LOC122513141: variants seen among roughly 807,000 people sequenced by gnomAD.
At chr9:137,217,557 C>T in the LOC122513141 span, 1 of 163,386 alleles carries the variant, frequency 6.1e-6, no homozygotes, top group African/African-American at 2.4e-5. Flanking sequence ...CAGGACTAAA[C>T]ATGGCTGAGG....
chr9:137,217,931 G>C, the LOC122513141 span: 5 of 398,540 alleles, frequency 1.3e-5, no homozygotes, highest in African/African-American at 2.1e-5. Context: ...AAGCAAAGGG[G>C]ATGACCTTGG....
the LOC122513141 span, chr9:137,218,236 C>G: frequency 2.5e-6 from 1 of 398,354 alleles, no homozygotes; most frequent in Non-Finnish European, 4.4e-6. Context: ...AGAAGACGCC[C>G]GTGCTGGAAT....
At chr9:137,218,710 G>C in the LOC122513141 span, 5 of 397,610 alleles carry the variant, frequency 1.3e-5, no homozygotes, top group Non-Finnish European at 2.2e-5. Flanking sequence ...AAAAACCCAA[G>C]GTTGGGTCCA....
At chr9:137,218,960 A>G in the LOC122513141 span, 2 of 248,674 alleles carry the variant, frequency 8.0e-6, no homozygotes, top group African/African-American at 4.5e-5. Flanking sequence ...CGCCGGCCAC[A>G]CTTCCCCTCC....
At chr9:137,219,157 C>G in the LOC122513141 span, 2 of 152,592 alleles carry the variant, frequency 1.3e-5, no homozygotes, top group Admixed American at 1.3e-4. Flanking sequence ...CTCCTCTCCC[C>G]ACTTGATCAG....
the LOC122513141 span, chr9:137,217,942 G>C: frequency 1.9e-4 from 74 of 398,654 alleles, no homozygotes; most frequent in African/African-American, 1.4e-3. Flanking sequence ...ATGACCTTGG[G>C]CACCCCCAAG....
At chr9:137,217,535 G>C in the LOC122513141 span, 2 of 157,472 alleles carry the variant, frequency 1.3e-5, no homozygotes, top group Admixed American at 1.3e-4. Flanking sequence ...TGTCGTCGGC[G>C]GGTCGCTGGC....
the LOC122513141 span, chr9:137,218,387 G>T: frequency 7.5e-6 from 3 of 398,338 alleles, no homozygotes; most frequent in Non-Finnish European, 1.3e-5. Context: ...GCGCTTCCTG[G>T]CAGGGCCCGT....
At chr9:137,218,758 C>T in the LOC122513141 span, 1 of 397,276 alleles carries the variant, frequency 2.5e-6, no homozygotes, top group East Asian at 3.6e-5. Flanking sequence ...CATTGCTGAA[C>T]CCACAACCAG....
At chr9:137,218,031 AG>A in the LOC122513141 span, 3 of 399,154 alleles carry the variant, frequency 7.5e-6, no homozygotes, top group Non-Finnish European at 1.3e-5. Context: ...ACCTGGAAGG[AG>A]GAGGGGAGAG....
chr9:137,218,803 G>T, the LOC122513141 span: 1 of 396,490 alleles, frequency 2.5e-6, no homozygotes, highest in Non-Finnish European at 4.4e-6. Context: ...CAGAGTCCAT[G>T]GCTGCACTGC....
the LOC122513141 span, chr9:137,217,722 T>A: frequency 5.6e-6 from 2 of 359,440 alleles, no homozygotes; most frequent in Non-Finnish European, 9.9e-6. Context: ...GCCCAGACCC[T>A]GCCTTCCCTG....
chr9:137,218,039 A>C, the LOC122513141 span: 1 of 399,370 alleles, frequency 2.5e-6, no homozygotes. Flanking sequence ...GGAGGAGGGG[A>C]GAGAGCAGGC....
chr9:137,218,125 G>A, the LOC122513141 span: 8 of 398,630 alleles, frequency 2.0e-5, no homozygotes, highest in Non-Finnish European at 3.1e-5. Flanking sequence ...GCCTGGCCCT[G>A]CTGAACTGTA....
chr9:137,218,352 G>T, the LOC122513141 span: 2 of 398,290 alleles, frequency 5.0e-6, no homozygotes, highest in Non-Finnish European at 8.9e-6. Flanking sequence ...GGGCCCTGGG[G>T]CTCCCTGGAG....
chr9:137,218,406 G>C, the LOC122513141 span: 1 of 398,248 alleles, frequency 2.5e-6, no homozygotes, highest in Non-Finnish European at 4.4e-6. Context: ...GTGGGCGGCC[G>C]GGGCTGCCTG....
chr9:137,218,273 C>G, the LOC122513141 span: 1 of 398,206 alleles, frequency 2.5e-6, no homozygotes, highest in Admixed American at 4.4e-5. Flanking sequence ...ACAGGAGGAG[C>G]TGCTACAGGC....
At chr9:137,218,415 T>G in the LOC122513141 span, 1 of 398,210 alleles carries the variant, frequency 2.5e-6, no homozygotes, top group Non-Finnish European at 4.4e-6. Context: ...CGGGGCTGCC[T>G]GCCCTTCCTG....
At chr9:137,218,225 C>A in the LOC122513141 span, 5 of 398,270 alleles carry the variant, frequency 1.3e-5, no homozygotes, top group Non-Finnish European at 2.2e-5. Context: ...GCTGTGCCGC[C>A]AGAAGACGCC....
Sources: allele counts gnomAD v4.1 joint callset, GRCh38; gene constraint gnomAD v4.1.1; transcripts MANE v1.5.